Variants in NRXN1 observed in about 807,000 individuals in gnomAD.
The protein encoded by NRXN1 is neurexin-1.
NRXN1 carries 39 observed loss-of-function variants against 150.9 expected under a neutral mutation model. The observed-to-expected ratio is 0.26, with a 90% CI of 0.20 to 0.34. The LOEUF (loss-of-function observed/expected upper bound fraction) is 0.34. Ranked by LOEUF, NRXN1 falls within the 10% of genes least tolerant of loss-of-function variation. The pLI, the probability that NRXN1 is intolerant of heterozygous loss-of-function variation, is 1.00. For synonymous variants in NRXN1, 924 were observed against 757.0 expected, an observed-to-expected ratio of 1.22 and a Z score of -3.62; for missense variants, 1,815 against 1,949.9, an observed-to-expected ratio of 0.93 and a Z score of 1.30.
At chr2:50,737,740 A>G (rs1357826437) in intron 5 of NRXN1, among the ~76,000 whole-genome samples, 1 of 152,198 alleles carries the variant, frequency 6.6e-6, no homozygotes, top group Non-Finnish European at 1.5e-5. Context: ...TTTTAAAATC[A>G]CAGCATTAAC....
intron 5 of NRXN1, among the ~76,000 whole-genome samples, chr2:50,714,471 T>C (rs1395672220): frequency 1.3e-5 from 2 of 152,112 alleles, no homozygotes; most frequent in African/African-American, 4.8e-5. Flanking sequence ...TGCTACTCAG[T>C]TCATCTTGGA....
intron 17 of NRXN1, among the ~76,000 whole-genome samples, chr2:50,242,013 A>T (rs2066045648): frequency 6.6e-6 from 1 of 151,826 alleles, no homozygotes; most frequent in South Asian, 2.1e-4. Flanking sequence ...ACATAAGTAT[A>T]TGAATAAAAG....
At chr2:50,263,652 G>A (rs938521948) in intron 17 of NRXN1, among the ~76,000 whole-genome samples, 2 of 152,018 alleles carry the variant, frequency 1.3e-5, no homozygotes. Flanking sequence ...GACCACTGAA[G>A]GTGAAGGAAA....
intron 18 of NRXN1, among the ~76,000 whole-genome samples, chr2:50,097,702 C>A (rs146402079): frequency 1.3e-4 from 19 of 151,844 alleles, no homozygotes; most frequent in Non-Finnish European, 2.2e-4. Flanking sequence ...TGCAATGGCA[C>A]GATCTCAGCT....
rs1491227131 is a variant in NRXN1, at chr2:50,219,953, A to AT, written c.3546+16835_3546+16836insA. On this transcript the variant is annotated intron_variant, in intron 18 of 22. Coordinates refer to ENST00000401669, the MANE Select transcript of NRXN1 (RefSeq NM_001330078.2). Reference sequence around the variant, plus strand: ...TATATATATTATATATTATATATATAATATATATATTATATATATATAATA... The same window carrying AT: ...TATATATATTATATATTATATATATATATATATATATTATATATATATAATA... 9.3e-3 allele frequency among the ~76,000 whole-genome samples: 579 copies of AT among 62,380 alleles called. 9 individuals are homozygous for AT. Among genetic ancestry groups the AT allele is most frequent in the African/African-American group, 0.062 (556 of 8,984 alleles). The allele number at this position is 62,380 out of a possible 152,430, so 40.9% of individuals were successfully genotyped here. A position where few individuals can be genotyped will look rare whatever the true frequency, so the allele number is the denominator to read the frequency against.
At chr2:50,847,602 G>A (rs10460542) in intron 5 of NRXN1, among the ~76,000 whole-genome samples, 24,251 of 152,056 alleles carry the variant, frequency 0.16, 2,102 homozygotes, top group Middle Eastern at 0.19. Context: ...GCCCATCCTG[G>A]GCCTATAAAA....
intron 15 of NRXN1, among the ~76,000 whole-genome samples, chr2:50,481,522 G>C (rs530676903): frequency 4.6e-5 from 7 of 152,134 alleles, no homozygotes; most frequent in African/African-American, 1.7e-4. Flanking sequence ...TTGATTTTTA[G>C]ATACAGCAGT....
chr2:51,017,300 C>G (rs1451325863), intron 2 of NRXN1, among the ~76,000 whole-genome samples: 1 of 150,658 alleles, frequency 6.6e-6, no homozygotes, highest in East Asian at 1.9e-4. Context: ...TATAGGTTCC[C>G]TAACTTTTCT....
intron 18 of NRXN1, among the ~76,000 whole-genome samples, chr2:50,178,716 G>A (rs574896308): frequency 1.3e-5 from 2 of 152,210 alleles, no homozygotes; most frequent in African/African-American, 4.8e-5. Context: ...AACACCTCAT[G>A]TTACATATCA....
intron 17 of NRXN1, among the ~76,000 whole-genome samples, chr2:50,247,825 T>A (rs1205134923): frequency 6.6e-6 from 1 of 152,168 alleles, no homozygotes; most frequent in Non-Finnish European, 1.5e-5. Flanking sequence ...TCTTACTTAA[T>A]AATACTACAT....
At chr2:50,813,253 C>G (rs1253606687) in intron 5 of NRXN1, among the ~76,000 whole-genome samples, 1 of 151,966 alleles carries the variant, frequency 6.6e-6, no homozygotes, top group Non-Finnish European at 1.5e-5. Context: ...AAATGATGCA[C>G]AGCCATGAAT....
chr2:49,998,925 A>C (rs1053698179), intron 21 of NRXN1, among the ~76,000 whole-genome samples: 1 of 151,896 alleles, frequency 6.6e-6, no homozygotes, highest in Non-Finnish European at 1.5e-5. Context: ...GCTTCCATCA[A>C]CTCCTAGCCA....
At position 50,350,635 on chromosome 2, in the gene NRXN1, C is replaced by A. The variant is rs1198291896; in HGVS notation, c.3365-113665G>T. On this transcript the variant is annotated intron_variant, in intron 17 of 22. Coordinates refer to ENST00000401669, the MANE Select transcript of NRXN1 (RefSeq NM_001330078.2). ...TGGATAAGGCTGGGACTTTGGAGAG[C>A]GATTTGTATAAGGAAAAGCCATAGA... Among the ~76,000 whole-genome samples the A allele has an allele frequency of 2.0e-5, 3 of 152,040 alleles. No individual in the cohort carries two copies. In the East Asian group the frequency reaches 5.8e-4, roughly 29 times the overall value.
At chr2:50,695,089 A>C (rs1692624205) in intron 5 of NRXN1, among the ~76,000 whole-genome samples, 1 of 151,896 alleles carries the variant, frequency 6.6e-6, no homozygotes, top group Non-Finnish European at 1.5e-5. Flanking sequence ...AAATTAAATT[A>C]GCCATCTTCA....
At chr2:50,598,735 T>C (rs1289035919) in intron 8 of NRXN1, among the ~76,000 whole-genome samples, 2 of 147,790 alleles carry the variant, frequency 1.4e-5, no homozygotes, top group Non-Finnish European at 3.0e-5. Flanking sequence ...CACATATATA[T>C]GTATATATAT....
chr2:50,355,215 CCCAA>C (rs2078707136), intron 17 of NRXN1, among the ~76,000 whole-genome samples: 1 of 149,712 alleles, frequency 6.7e-6, no homozygotes, highest in Admixed American at 6.7e-5. Flanking sequence ...CTAATCCCCA[CCCAA>C]TTCAGAAATT....
At chr2:50,329,420 G>A (rs151054693) in intron 17 of NRXN1, among the ~76,000 whole-genome samples, 3 of 151,140 alleles carry the variant, frequency 2.0e-5, no homozygotes, top group East Asian at 3.9e-4. Flanking sequence ...GGCCCATTGT[G>A]CTGGATAGTA....
At chr2:50,737,901 T>A (rs1218754128) in intron 5 of NRXN1, among the ~76,000 whole-genome samples, 3 of 152,166 alleles carry the variant, frequency 2.0e-5, no homozygotes, top group African/African-American at 4.8e-5. Flanking sequence ...TTTTCTTCTT[T>A]TTTTTTAATC....
At chr2:50,651,476 TG>T (rs1329363801) in intron 5 of NRXN1, among the ~76,000 whole-genome samples, 56 of 132,126 alleles carry the variant, frequency 4.2e-4, no homozygotes, top group African/African-American at 1.5e-3. Flanking sequence ...TAACGTAACA[TG>T]ACATGACATG....
Sources: allele counts gnomAD v4.1 joint callset (sites outside exome capture counted in the v4.1 genomes callset), GRCh38; gene constraint gnomAD v4.1.1; transcripts MANE v1.5; gene names NCBI Gene and HGNC (gene_info 2026-07-23, HGNC 2026-07-21).